THADA: variants seen among roughly 807,000 people sequenced by gnomAD.
The protein encoded by THADA is THADA armadillo repeat containing.
A neutral mutation model predicts 219.8 loss-of-function variants in THADA; 213 were observed. The ratio of observed to expected loss-of-function variants is 0.97; its 90% confidence interval spans 0.87 to 1.09. The LOEUF (loss-of-function observed/expected upper bound fraction) is 1.09, where lower values mean the gene tolerates loss of function less well. Among genes scored for constraint, THADA ranks in the 50% least tolerant of loss-of-function variants. The pLI is 0.00. For synonymous variants in THADA, 1,018 were observed against 828.9 expected (o/e 1.23, Z -3.92); for missense variants, 2,956 against 2,311.3 (o/e 1.28, Z -5.72).
chr2:43,538,841 A>C (rs1234997806), intron 21 of THADA, among the ~76,000 whole-genome samples: 5 of 152,148 alleles, frequency 3.3e-5, no homozygotes, highest in Non-Finnish European at 7.4e-5. Flanking sequence ...AGAATTATAA[A>C]CAAGCCCCAT....
Position 43,485,297 on chromosome 2 carries a change from C to T in THADA, c.3773G>A (p.Ser1258Asn). 1 of 1,612,952 alleles carries T rather than the reference C, an allele frequency of 6.2e-7. No homozygotes were observed. Reference sequence around the variant, plus strand: ...TCCAAAAATTCTTGTGATCAAGGCACTAAAGAGAAGTGTGGATGAATTTCG... The same window carrying T: ...TCCAAAAATTCTTGTGATCAAGGCATTAAAGAGAAGTGTGGATGAATTTCG... ...AVRNSSTLLF[S>N]ALITRIFGVK... The change falls in exon 26 of 38, where the codon AGT becomes AAT. Residue 1258 changes from serine to asparagine, a missense_variant. Coordinates refer to ENST00000405975, the MANE Select transcript of THADA (RefSeq NM_022065.5).
chr2:43,580,595 A>G (rs1309297722), intron 8 of THADA, among the ~76,000 whole-genome samples: 1 of 151,962 alleles, frequency 6.6e-6, no homozygotes, highest in Admixed American at 6.6e-5. Flanking sequence ...AACACAAACA[A>G]TGAGGCCAGG....
chr2:43,487,691 T>C (rs1460381618), intron 25 of THADA, among the ~76,000 whole-genome samples: 1 of 152,164 alleles, frequency 6.6e-6, no homozygotes, highest in Non-Finnish European at 1.5e-5. Flanking sequence ...CGAATGCGAT[T>C]AGTGCCCTTA....
At chr2:43,371,304 C>T (rs1284264952) in intron 29 of THADA, among the ~76,000 whole-genome samples, 1 of 152,096 alleles carries the variant, frequency 6.6e-6, no homozygotes, top group Non-Finnish European at 1.5e-5. Context: ...TTAAAAGTAG[C>T]AATACAACTT....
At chr2:43,446,196 G>C (rs1016617356) in intron 26 of THADA, among the ~76,000 whole-genome samples, 14 of 152,320 alleles carry the variant, frequency 9.2e-5, no homozygotes, top group Admixed American at 9.1e-4. Flanking sequence ...AACTGTTATA[G>C]TTTAATTCAA....
intron 26 of THADA, among the ~76,000 whole-genome samples, chr2:43,453,938 A>G (rs780124614): frequency 2.0e-5 from 3 of 152,218 alleles, no homozygotes; most frequent in Non-Finnish European, 4.4e-5. Flanking sequence ...TCTGTCACCC[A>G]GGCTGGAGTG....
At chr2:43,325,110 T>C (rs1273567065) in intron 30 of THADA, among the ~76,000 whole-genome samples, 1 of 152,138 alleles carries the variant, frequency 6.6e-6, no homozygotes, top group Non-Finnish European at 1.5e-5. Flanking sequence ...CCTTGGGAAA[T>C]CTCTGAACTT....
chr2:43,484,814 G>C (rs369177212), intron 26 of THADA, among the ~76,000 whole-genome samples: 20 of 151,904 alleles, frequency 1.3e-4, no homozygotes, highest in African/African-American at 4.4e-4. Flanking sequence ...TAATGTGAGA[G>C]ATGTTCTAAT....
chr2:43,342,161 A>G (rs960687178), intron 30 of THADA, among the ~76,000 whole-genome samples: 1 of 152,170 alleles, frequency 6.6e-6, no homozygotes, highest in Non-Finnish European at 1.5e-5. Flanking sequence ...GGCTACAGTG[A>G]GCCGTGGTAG....
intron 22 of THADA, among the ~76,000 whole-genome samples, chr2:43,512,792 G>A (rs916406818): frequency 2.6e-5 from 4 of 152,162 alleles, no homozygotes; most frequent in Admixed American, 1.3e-4. Context: ...GTGAGCCACC[G>A]CACCCGGCCA....
At chr2:43,406,138 C>T (rs1351680130) in intron 28 of THADA, among the ~76,000 whole-genome samples, 1 of 152,346 alleles carries the variant, frequency 6.6e-6, no homozygotes, top group African/African-American at 2.4e-5. Context: ...ATAGGCACAG[C>T]ACTCAGCAAC....
At chr2:43,577,583 C>T (rs1277980973) in intron 9 of THADA, among the ~76,000 whole-genome samples, 2 of 151,166 alleles carry the variant, frequency 1.3e-5, no homozygotes, top group Non-Finnish European at 2.9e-5. Flanking sequence ...ACATCTTCGA[C>T]TTATCCAAAG....
chr2:43,380,687 A>G (rs771388022), intron 29 of THADA, among the ~76,000 whole-genome samples: 7 of 152,206 alleles, frequency 4.6e-5, no homozygotes, highest in Non-Finnish European at 7.3e-5. Flanking sequence ...CAGTGCCCCA[A>G]TCTTGGTTTC....
chr2:43,585,532 G>GTAGATAGA (rs57755595), intron 7 of THADA, among the ~76,000 whole-genome samples: 3,698 of 139,472 alleles, frequency 0.027, 56 homozygotes, highest in South Asian at 0.033. Flanking sequence ...AAAAAAAAAT[G>GTAGATAGA]TAGATAGATA....
At chr2:43,536,822 G>A (rs1451568349) in intron 21 of THADA, among the ~76,000 whole-genome samples, 1 of 152,110 alleles carries the variant, frequency 6.6e-6, no homozygotes, top group Non-Finnish European at 1.5e-5. Context: ...CTTGTGAAAT[G>A]GAGCTAACAC....
At chr2:43,418,656 G>A (rs1270400410) in intron 28 of THADA, among the ~76,000 whole-genome samples, 3 of 152,064 alleles carry the variant, frequency 2.0e-5, no homozygotes, top group Non-Finnish European at 4.4e-5. Flanking sequence ...CTAGATCTAG[G>A]ACCAGGTAAG....
chr2:43,457,871 C>G (rs1467520891), intron 26 of THADA, among the ~76,000 whole-genome samples: 3 of 151,956 alleles, frequency 2.0e-5, no homozygotes, highest in Non-Finnish European at 2.9e-5. Context: ...TCCATTCTTT[C>G]TGGAATCTAC....
chr2:43,236,599 G>A (rs1668055853), intron 36 of THADA, among the ~76,000 whole-genome samples: 1 of 152,194 alleles, frequency 6.6e-6, no homozygotes, highest in Non-Finnish European at 1.5e-5. Context: ...GCTCACACCT[G>A]TAATCCCCTA....
rs1387323877 is a variant in THADA at position 43,279,833 on chromosome 2, G to A, written c.5228C>T (p.Ala1743Val). 2.6e-6 allele frequency: 4 copies of A among 1,563,838 alleles called. No individual in the cohort carries two copies. Among genetic ancestry groups the A allele is most frequent in the African/African-American group, 1.4e-5 (1 of 74,016 alleles). ...VLTLLQSEEQ[A>V]VRDAATETVT... ...GGTTTCCGTGGCTGCATCTCTAACA[G>A]CTTGCTCCTCACTCTGCAGAAGGGT... The change falls in exon 36 of 38, where the codon GCT (alanine) becomes GTT (valine). Residue 1743 changes from alanine (A) to valine (V), a missense_variant. By Grantham distance (64) the Ala-to-Val change is moderately conservative. Coordinates refer to ENST00000405975, the MANE Select transcript of THADA (RefSeq NM_022065.5).
Sources: gnomAD v4.1 joint callset for allele counts (sites outside exome capture counted in the v4.1 genomes callset) on GRCh38, gnomAD v4.1.1 for gene constraint, MANE v1.5 for transcripts, NCBI Gene and HGNC (gene_info 2026-07-23, HGNC 2026-07-21) for gene names.